CUX1: variants seen among roughly 807,000 people sequenced by gnomAD.
CUX1 encodes the protein protein CASP.
A neutral mutation model predicts 158.8 loss-of-function variants in CUX1; 31 were observed. That is an observed-to-expected ratio of 0.20 (90% CI 0.15 to 0.26). The LOEUF is 0.26. CUX1 is among the 10% of genes least tolerant of loss of function. The probability of loss-of-function intolerance (pLI) is 1.00; values close to 1 mark genes in which losing one functional copy is unlikely to be tolerated. For synonymous variants in CUX1, 879 were observed against 862.1 expected, an observed-to-expected ratio of 1.02 and a Z score of -0.34; for missense variants, 1,589 against 2,014.6, an observed-to-expected ratio of 0.79 and a Z score of 4.04.
In CUX1 at chr7:102,178,670, CG is replaced by C; in HGVS notation, c.1017+17del. The C allele has an allele frequency of 1.3e-6, 2 of 1,596,086 alleles. No individual in the cohort carries two copies. Among genetic ancestry groups the C allele is most frequent in the Non-Finnish European group, 1.7e-6 (2 of 1,170,450 alleles). On this transcript the variant is annotated intron_variant, in intron 11 of 23. Transcript: ENST00000292535. Reference sequence around the variant, plus strand: ...CAGCACACTCAAAGTAAGGGGGCTGCGGGGCCCGGGGGTGGCCCGAGGAGGC... The same window carrying C: ...CAGCACACTCAAAGTAAGGGGGCTGCGGGCCCGGGGGTGGCCCGAGGAGGC...
At chr7:101,831,888 T>C (rs144327214) in intron 1 of CUX1, among the ~76,000 whole-genome samples, 516 of 152,122 alleles carry the variant, frequency 3.4e-3, no homozygotes, top group Non-Finnish European at 5.0e-3. Flanking sequence ...ATTACAGGCA[T>C]GCGCCACCAT....
chr7:101,958,844 CTTTTTTTTTTTTTTTT>C (rs10667965), intron 2 of CUX1, among the ~76,000 whole-genome samples: 1 of 65,816 alleles, frequency 1.5e-5, no homozygotes. Flanking sequence ...AGATGATGCC[CTTTTTTTTTTTTTTTT>C]TTTTTTTTTT....
intron 6 of CUX1, among the ~76,000 whole-genome samples, chr7:102,107,961 G>C (rs999728953): frequency 1.1e-4 from 16 of 152,220 alleles, no homozygotes; most frequent in African/African-American, 3.4e-4. Flanking sequence ...GCGCATCACA[G>C]AGTCAAGGCT....
At chr7:101,961,111 G>A (rs1810428580) in intron 2 of CUX1, 1 of 152,188 alleles carries the variant, frequency 6.6e-6, no homozygotes, top group African/African-American at 2.4e-5. Flanking sequence ...TACTAGTGGA[G>A]TCTCCAAGCA....
At chr7:101,950,033 A>C (rs1033995696) in intron 2 of CUX1, among the ~76,000 whole-genome samples, 1 of 151,610 alleles carries the variant, frequency 6.6e-6, no homozygotes, top group Non-Finnish European at 1.5e-5. Flanking sequence ...TTTGAGACAG[A>C]GTCTCACCCT....
chr7:102,096,881 A>G (rs1312547288), intron 4 of CUX1, among the ~76,000 whole-genome samples: 1 of 152,208 alleles, frequency 6.6e-6, no homozygotes, highest in East Asian at 1.9e-4. Flanking sequence ...CACAATCTCC[A>G]TAAAGTGTCC....
chr7:101,816,864 T>G, upstream of CUX1: 1 of 957,372 alleles, frequency 1.0e-6, no homozygotes, highest in Non-Finnish European at 1.2e-6. Flanking sequence ...CCCCCGGCTG[T>G]CACCGGCCCG....
chr7:102,066,198 C>G (rs1157283276), intron 3 of CUX1, among the ~76,000 whole-genome samples: 1 of 151,798 alleles, frequency 6.6e-6, no homozygotes, highest in Non-Finnish European at 1.5e-5. Context: ...TCCTGGTCAT[C>G]TTCTTCTTTG....
Position 102,127,332 on chromosome 7 carries a change from G to A in CUX1, c.674+12059G>A, listed in dbSNP as rs570698688. On this transcript the variant is annotated intron_variant, in intron 8 of 23. Transcript: ENST00000292535. Reference sequence around the variant, plus strand: ...AGCGATCCTCCCACCTCAGCCTCCCGAGTAGCTAGGACTGCAGGTGTGCAC... The same window carrying A: ...AGCGATCCTCCCACCTCAGCCTCCCAAGTAGCTAGGACTGCAGGTGTGCAC... 3.9e-4 allele frequency among the ~76,000 whole-genome samples: 59 copies of A among 152,114 alleles called. 1 individual carries two copies. In the South Asian group the frequency reaches 0.012, roughly 30 times the overall value.
chr7:102,182,095 C>A (rs1395546007), intron 11 of CUX1, among the ~76,000 whole-genome samples: 2 of 152,140 alleles, frequency 1.3e-5, no homozygotes, highest in Non-Finnish European at 2.9e-5. Flanking sequence ...CACGATGGGG[C>A]CTTGAATCAG....
At chr7:101,853,584 GGTGTGTGTGTGTGTGTGTGTGTGT>G (rs59324904) in intron 1 of CUX1, among the ~76,000 whole-genome samples, 2 of 140,788 alleles carry the variant, frequency 1.4e-5, no homozygotes, top group Non-Finnish European at 3.1e-5. Context: ...CAATAGAAAG[GGTGTGTGTGTGTGTGTGTGTGTGT>G]GTGTGTGTGT....
intron 8 of CUX1, among the ~76,000 whole-genome samples, chr7:102,136,480 C>T (rs1833926057): frequency 6.6e-6 from 1 of 152,028 alleles, no homozygotes; most frequent in Admixed American, 6.6e-5. Flanking sequence ...CAACCTCCAC[C>T]TCCCAGGTTC....
intron 2 of CUX1, among the ~76,000 whole-genome samples, chr7:101,988,626 C>T (rs1814655831): frequency 6.6e-6 from 1 of 152,098 alleles, no homozygotes; most frequent in Non-Finnish European, 1.5e-5. Context: ...CCTCAGGGAT[C>T]TTCCAGCTTT....
chr7:101,817,749 C>G lies in CUX1; in HGVS notation c.30+80C>G. On this transcript the variant is annotated intron_variant, in intron 1 of 23. Transcript: ENST00000292535. This position sits in a 1 kb window ranked among gnomAD's most constrained non-coding sequence, Gnocchi z 4.1. ...GATGTCGGGGGGTGCCCGGGTCCCGCGGCTTAGAATGCTCTAGGGCGGCCT... is the reference window on the plus strand; with the variant it reads ...GATGTCGGGGGGTGCCCGGGTCCCGGGGCTTAGAATGCTCTAGGGCGGCCT... 1 of 1,518,012 alleles carries G rather than the reference C, an allele frequency of 6.6e-7. No homozygotes were observed. The highest frequency in any genetic ancestry group is 1.2e-5 in the South Asian group (1 of 82,066). The allele number at this position is 1,518,012 out of a possible 1,614,324, so 94.0% of individuals were successfully genotyped here.
At chr7:101,979,392 A>G (rs1813125296) in intron 2 of CUX1, among the ~76,000 whole-genome samples, 1 of 152,242 alleles carries the variant, frequency 6.6e-6, no homozygotes, top group Admixed American at 6.5e-5. Context: ...AAGTTAATGA[A>G]ATAGCATGGA....
chr7:102,248,767 G>A lies in CUX1; in HGVS notation c.4243G>A (p.Ala1415Thr), dbSNP rs1554538137. ...CTCCGCGACCGCCACCGCCGCGCCC[G>A]CGGCCCCCGAGGACGCCGCTACCTC... The part of the protein sequence containing the change: ...PASATATAAP[A>T]APEDAATSAA... The change falls in exon 24 of 24, where the codon GCG becomes ACG. Residue 1415 changes from alanine (A) to threonine (T), a missense_variant. Coordinates refer to ENST00000292535, the MANE Select transcript of CUX1 (RefSeq NM_181552.4). This position sits in a 1 kb window ranked among gnomAD's most constrained non-coding sequence, Gnocchi z 5.8. 1 of 1,038,016 alleles carries A rather than the reference G, an allele frequency of 9.6e-7. No individual in the cohort carries two copies. Among genetic ancestry groups the A allele is most frequent in the East Asian group, 7.5e-5 (1 of 13,356 alleles). The allele number at this position is 1,038,016 out of a possible 1,614,324, so 64.3% of individuals were successfully genotyped here. A position where few individuals can be genotyped will look rare whatever the true frequency, so the allele number is the denominator to read the frequency against.
intron 18 of CUX1, among the ~76,000 whole-genome samples, chr7:102,203,932 C>T (rs1418071786): frequency 6.6e-6 from 1 of 152,200 alleles, no homozygotes; most frequent in Admixed American, 6.5e-5. Context: ...TGGCCTGGCT[C>T]AGCGTTTGCA....
chr7:102,156,964 C>CT (rs1330816747), intron 8 of CUX1, among the ~76,000 whole-genome samples: 1 of 152,206 alleles, frequency 6.6e-6, no homozygotes, highest in Non-Finnish European at 1.5e-5. Context: ...TGAGACAGAG[C>CT]TGCTGAGAGG....
In CUX1 at chr7:102,248,782, G is replaced by A. The variant is rs1420389396; in HGVS notation, c.4258G>A (p.Ala1420Thr). Residue 1420 changes from alanine (A) to threonine (T), a missense_variant, in exon 24 of 24, where the codon GCC becomes ACC. Coordinates refer to ENST00000292535, the MANE Select transcript of CUX1 (RefSeq NM_181552.4). This position sits in a 1 kb window ranked among gnomAD's most constrained non-coding sequence, Gnocchi z 5.8. The part of the protein sequence containing the change: ...ATAAPAAPED[A>T]ATSAAAAPGE... ...CGCCGCGCCCGCGGCCCCCGAGGAC[G>A]CCGCTACCTCAGCCGCCGCCGCGCC... The A allele has an allele frequency of 1.9e-6, 2 of 1,055,586 alleles. No homozygotes were observed. The highest frequency in any genetic ancestry group is 3.5e-5 in the African/African-American group (2 of 57,574). 65.4% of individuals were successfully genotyped at this position (1,055,586 alleles called of 1,614,324 possible). A position where few individuals can be genotyped will look rare whatever the true frequency, so the allele number is the denominator to read the frequency against.
Sources: gnomAD v4.1 joint callset for allele counts (sites outside exome capture counted in the v4.1 genomes callset) on GRCh38, gnomAD v4.1.1 for gene constraint, Gnocchi (gnomAD v3.1) non-coding constraint, MANE v1.5 for transcripts, NCBI Gene and HGNC (gene_info 2026-07-23, HGNC 2026-07-21) for gene names.